Variants in MYL11 observed in about 807,000 individuals in gnomAD.
MYL11 encodes myosin regulatory light chain 11.
At chr16:30,372,068 G>T in the MYL11 span, among the ~76,000 whole-genome samples, 2 of 152,128 alleles carry the variant, frequency 1.3e-5, no homozygotes, top group Non-Finnish European at 2.9e-5. Flanking sequence ...CTCAGTGTCT[G>T]ATCTCCTTCT....
chr16:30,373,314 T>G, the MYL11 span, among the ~76,000 whole-genome samples: 1 of 151,268 alleles, frequency 6.6e-6, no homozygotes, highest in Non-Finnish European at 1.5e-5. Context: ...AAAAATTAGA[T>G]GCCGGGCACG....
the MYL11 span, among the ~76,000 whole-genome samples, chr16:30,375,092 A>T: frequency 6.6e-6 from 1 of 152,230 alleles, no homozygotes; most frequent in Non-Finnish European, 1.5e-5. Flanking sequence ...AGCCTGATCC[A>T]TTCATTCCTG....
chr16:30,376,310 T>G, the MYL11 span: 7 of 1,556,656 alleles, frequency 4.5e-6, no homozygotes, highest in East Asian at 2.2e-5. Context: ...CAGCTCCACC[T>G]TGGGCCTCAG....
At chr16:30,372,391 AGG>A in the MYL11 span, 4 of 152,388 alleles carry the variant, frequency 2.6e-5, no homozygotes, top group Non-Finnish European at 5.9e-5. Context: ...GAGGGGGGAC[AGG>A]GCAGGGGGAG....
the MYL11 span, chr16:30,374,675 A>G: frequency 8.0e-6 from 5 of 625,068 alleles, no homozygotes; most frequent in African/African-American, 1.9e-5. Context: ...GCCCTCCAAG[A>G]AAGGAGAGGC....
chr16:30,377,622 A>G, the MYL11 span: 5 of 1,453,178 alleles, frequency 3.4e-6, no homozygotes, highest in Middle Eastern at 1.9e-4. Flanking sequence ...CAGGAACCCA[A>G]TCGCAACTCC....
At chr16:30,373,057 T>G in the MYL11 span, 3 of 152,224 alleles carry the variant, frequency 2.0e-5, no homozygotes, top group Non-Finnish European at 4.4e-5. Flanking sequence ...CTATTAGTTA[T>G]AAGGCAAGTT....
chr16:30,374,455 G>A, the MYL11 span, among the ~76,000 whole-genome samples: 1 of 152,106 alleles, frequency 6.6e-6, no homozygotes, highest in African/African-American at 2.4e-5. Flanking sequence ...ACGTTTACTG[G>A]GTTTAAATCT....
chr16:30,377,378 G>A, the MYL11 span, among the ~76,000 whole-genome samples: 1 of 152,102 alleles, frequency 6.6e-6, no homozygotes, highest in African/African-American at 2.4e-5. Context: ...GTGAGACCCT[G>A]TCTCAAAACA....
At chr16:30,375,531 A>T in the MYL11 span, among the ~76,000 whole-genome samples, 1 of 152,046 alleles carries the variant, frequency 6.6e-6, no homozygotes, top group Non-Finnish European at 1.5e-5. Flanking sequence ...CTGGGGTCAC[A>T]CAGCAAGTCT....
At chr16:30,376,859 G>A in the MYL11 span, among the ~76,000 whole-genome samples, 22 of 152,284 alleles carry the variant, frequency 1.4e-4, no homozygotes, top group South Asian at 4.4e-3. Flanking sequence ...CTTGAGGACA[G>A]GAGTTTGAGA....
the MYL11 span, chr16:30,376,724 C>A: frequency 6.2e-7 from 1 of 1,603,638 alleles, no homozygotes; most frequent in Admixed American, 1.7e-5. Context: ...CCCACCCTTC[C>A]GACCCTTCCC....
chr16:30,371,405 C>G, the MYL11 span, among the ~76,000 whole-genome samples: 1 of 152,186 alleles, frequency 6.6e-6, no homozygotes, highest in Non-Finnish European at 1.5e-5. Flanking sequence ...ACCCAGTACT[C>G]TCATCCTTTA....
chr16:30,373,595 CAAA>C, the MYL11 span, among the ~76,000 whole-genome samples: 3 of 77,630 alleles, frequency 3.9e-5, no homozygotes, highest in African/African-American at 4.8e-5. Context: ...GACTTCATCT[CAAA>C]AAAAAAAAAA....
At chr16:30,376,538 T>G in the MYL11 span, 1 of 1,613,542 alleles carries the variant, frequency 6.2e-7, no homozygotes, top group Non-Finnish European at 8.5e-7. Context: ...GTGAGTGGAG[T>G]GTCCTGGGTC....
the MYL11 span, chr16:30,374,644 G>T: frequency 1.8e-6 from 1 of 545,156 alleles, no homozygotes; most frequent in South Asian, 2.5e-5. Flanking sequence ...CTTCCTCCCC[G>T]CTGGGCTCCA....
the MYL11 span, chr16:30,377,724 G>A: frequency 6.3e-7 from 1 of 1,586,302 alleles, no homozygotes; most frequent in Non-Finnish European, 8.6e-7. Context: ...CCGGGGCGGG[G>A]CCGGAGCAGC....
chr16:30,373,694 G>A, the MYL11 span, among the ~76,000 whole-genome samples: 8 of 151,280 alleles, frequency 5.3e-5, no homozygotes, highest in East Asian at 5.8e-4. Context: ...CCCAGAAGGC[G>A]GAGGTTGCAG....
chr16:30,371,597 CA>C, the MYL11 span, among the ~76,000 whole-genome samples: 1 of 152,176 alleles, frequency 6.6e-6, no homozygotes, highest in East Asian at 1.9e-4. Flanking sequence ...CCCCAGAACC[CA>C]GGCTCCAGTT....
Sources: allele counts gnomAD v4.1 joint callset (sites outside exome capture counted in the v4.1 genomes callset), GRCh38; gene constraint gnomAD v4.1.1; transcripts MANE v1.5; gene names NCBI Gene and HGNC (gene_info 2026-07-23, HGNC 2026-07-21).